Variants in PALD1 observed in about 807,000 individuals in gnomAD.
PALD1 encodes the protein phosphatase domain containing paladin 1, also known as paladin.
PALD1 carries 57 observed loss-of-function variants against 96.0 expected under a neutral mutation model. That is an observed-to-expected ratio of 0.59 (90% confidence interval 0.48 to 0.74). The LOEUF is 0.74. PALD1 is among the 30% of genes least tolerant of loss of function. The pLI is 0.00. For missense variants in PALD1, 1,063 were observed against 1,143.7 expected (o/e 0.93, Z 1.02); for synonymous variants, 464 against 473.6 (o/e 0.98, Z 0.26).
chr10:70,529,952 T>C lies in PALD1; in HGVS notation c.352T>C (p.Cys118Arg). ...GGATGTGCTGGGCACCGTGGGAAGC[T>C]GTGGGGCCCCCAACTTCCGGCAGGT... is the stretch of plus-strand genomic sequence containing the variant. ...KMDVLGTVGSCGAPNFRQVQG... is the reference protein window; with the variant it reads ...KMDVLGTVGSRGAPNFRQVQG... Residue 118 changes from cysteine (C) to arginine (R), a missense_variant, in exon 4 of 20, where the codon TGT becomes CGT. Physicochemically the swap from Cys to Arg is radical, Grantham distance 180 (BLOSUM62 -3). Transcript: ENST00000263563. 3 of 1,613,752 alleles carry C rather than the reference T, an allele frequency of 1.9e-6. No homozygotes were observed. Among genetic ancestry groups the C allele is most frequent in the Non-Finnish European group, 2.5e-6 (3 of 1,179,836 alleles).
At chr10:70,474,430 G>A (rs776012895), upstream of PALD1, among the ~76,000 whole-genome samples, 5 of 151,988 alleles carry the variant, frequency 3.3e-5, no homozygotes, top group Admixed American at 1.3e-4. Flanking sequence ...GCGTGGTGGC[G>A]GGCGCCTGTA....
intron 1 of PALD1, among the ~76,000 whole-genome samples, chr10:70,495,193 G>A (rs1247300533): frequency 2.0e-5 from 3 of 152,202 alleles, no homozygotes; most frequent in South Asian, 2.1e-4. Flanking sequence ...GTCTTCATAC[G>A]TCGGCATAGG....
At chr10:70,478,629 G>T (rs997069853), upstream of PALD1, among the ~76,000 whole-genome samples, 1 of 152,152 alleles carries the variant, frequency 6.6e-6, no homozygotes, top group South Asian at 2.1e-4. Context: ...TGGCGCCCGC[G>T]TTCCTCCCGC....
chr10:70,473,019 A>T, the PALD1 span, among the ~76,000 whole-genome samples: 3 of 152,240 alleles, frequency 2.0e-5, no homozygotes, highest in Admixed American at 6.5e-5. Context: ...ACATTAAGTG[A>T]CTTGCCTGAG....
At chr10:70,488,309 C>T (rs529705927) in intron 1 of PALD1, among the ~76,000 whole-genome samples, 9 of 151,856 alleles carry the variant, frequency 5.9e-5, no homozygotes, top group South Asian at 4.2e-4. Context: ...TTAGTAGAGA[C>T]GGGGTTTTGC....
At chr10:70,547,248 C>T in intron 17 of PALD1, 58 bp from the exon 18 acceptor site, 1 of 1,553,230 alleles carries the variant, frequency 6.4e-7, no homozygotes, top group Non-Finnish European at 8.9e-7. Flanking sequence ...AAGCCTGGTG[C>T]TTGGGCTGAG....
Position 70,539,334 on chromosome 10 carries a change from G to A in PALD1, c.1725+87G>A, listed in dbSNP as rs943159158. On this transcript the variant is annotated intron_variant, in intron 14 of 19. Coordinates refer to ENST00000263563, the MANE Select transcript of PALD1 (RefSeq NM_014431.3). This position sits in a 1 kb window ranked among gnomAD's most constrained non-coding sequence, Gnocchi z 4.5. ...GGTCTTCAGAAGGCCTCACACTCCC[G>A]CAGACAGATGGAGAATCTGAGGCCC... 1.3e-5 allele frequency: 17 copies of A among 1,335,526 alleles called. No homozygotes were observed. Among genetic ancestry groups the A allele is most frequent in the South Asian group, 2.8e-5 (2 of 72,104 alleles). 82.7% of individuals were successfully genotyped at this position (1,335,526 alleles called of 1,614,324 possible). A position where few individuals can be genotyped will look rare whatever the true frequency, so the allele number is the denominator to read the frequency against.
chr10:70,562,356 C>G (rs1847757958), intron 18 of PALD1, among the ~76,000 whole-genome samples: 1 of 152,212 alleles, frequency 6.6e-6, no homozygotes, highest in African/African-American at 2.4e-5. Context: ...GAGGCAAAGA[C>G]AGCAAAGGCC....
At chr10:70,490,686 TGATGGTAGA>T (rs1361650916) in intron 1 of PALD1, among the ~76,000 whole-genome samples, 1 of 152,204 alleles carries the variant, frequency 6.6e-6, no homozygotes, top group Admixed American at 6.5e-5. Context: ...AGCCTTGGGT[TGATGGTAGA>T]GAGCTGTGCC....
chr10:70,486,647 G>A (rs1196122881), intron 1 of PALD1, among the ~76,000 whole-genome samples: 1 of 152,104 alleles, frequency 6.6e-6, no homozygotes, highest in Non-Finnish European at 1.5e-5. Flanking sequence ...TGTAGTCCCA[G>A]CTACTCAGGA....
chr10:70,551,391 A>G (rs781706480), intron 18 of PALD1, among the ~76,000 whole-genome samples: 1 of 152,218 alleles, frequency 6.6e-6, no homozygotes, highest in Non-Finnish European at 1.5e-5. Context: ...CAGCCTGGTC[A>G]GATCCCCCAC....
chr10:70,465,668 C>G, the PALD1 span, among the ~76,000 whole-genome samples: 1 of 152,174 alleles, frequency 6.6e-6, no homozygotes, highest in Non-Finnish European at 1.5e-5. Flanking sequence ...GCCTGACACC[C>G]TCCAAGACAT....
chr10:70,545,180 TG>T (rs2100067167), intron 17 of PALD1, among the ~76,000 whole-genome samples: 2 of 49,256 alleles, frequency 4.1e-5, no homozygotes, highest in African/African-American at 1.6e-4. Flanking sequence ...TGCAGGGTGG[TG>T]GGGGTAGGTG....
Position 70,532,538 on chromosome 10 carries a change from G to A in PALD1, c.634-83G>A, listed in dbSNP as rs1589200000. ...CTGCCTGTGGCCTCTGCATGGTCTG[G>A]TCACTCCAGAGCTCAGCCAGGACAC... On this transcript the variant is annotated intron_variant, in intron 5 of 19. Transcript: ENST00000263563. 5.6e-6 allele frequency: 8 copies of A among 1,429,492 alleles called. No individual in the cohort carries two copies. In the East Asian group the frequency reaches 1.4e-4, roughly 24 times the overall value. 88.6% of individuals were successfully genotyped at this position (1,429,492 alleles called of 1,614,324 possible). A position where few individuals can be genotyped will look rare whatever the true frequency, so the allele number is the denominator to read the frequency against.
chr10:70,531,659 C>G (rs1341078338), intron 5 of PALD1, among the ~76,000 whole-genome samples: 2 of 152,118 alleles, frequency 1.3e-5, no homozygotes, highest in African/African-American at 4.8e-5. Flanking sequence ...CTGCCCCTTT[C>G]CCACCCTGCT....
rs1189748118 is a variant in PALD1 at position 70,532,798 on chromosome 10, C to A, written c.794+17C>A. The A allele has an allele frequency of 1.2e-6, 2 of 1,612,496 alleles. No individual in the cohort carries two copies. Among genetic ancestry groups the A allele is most frequent in the African/African-American group, 2.7e-5 (2 of 74,926 alleles). On this transcript the variant is annotated intron_variant, in intron 6 of 19. Coordinates refer to ENST00000263563, the MANE Select transcript of PALD1 (RefSeq NM_014431.3). ...CACCTACAGGTACCACAGGGCCACC[C>A]CCAGCCCTGGCCATGGGTGCTCCAG... is the stretch of plus-strand genomic sequence containing the variant.
intron 1 of PALD1, among the ~76,000 whole-genome samples, chr10:70,480,569 C>T (rs781438538): frequency 6.6e-6 from 1 of 152,218 alleles, no homozygotes; most frequent in Non-Finnish European, 1.5e-5. Flanking sequence ...CTGTGAGGCT[C>T]TGCTGTATCT....
At chr10:70,518,217 A>G (rs948479380) in intron 1 of PALD1, among the ~76,000 whole-genome samples, 1 of 152,200 alleles carries the variant, frequency 6.6e-6, no homozygotes, top group Non-Finnish European at 1.5e-5. Context: ...GTGGTATATT[A>G]TGGTGTGGAC....
In PALD1 at chr10:70,539,153, G is replaced by C; in HGVS notation, c.1631G>C (p.Trp544Ser). ...AAGAGGAGGCTGCGGAAGGTTGTCT[G>C]GGTGAGCCTTCGGGAGGAGGCCGTG... ...DAKRRLRKVV[W>S]VSLREEAVLE... Residue 544 changes from tryptophan to serine, a missense_variant, in exon 14 of 20, where the codon TGG (tryptophan) becomes TCG (serine). Transcript: ENST00000263563. The surrounding 1 kb of genome is among the most constrained non-coding windows in gnomAD (Gnocchi z 4.5). 1 of 1,613,702 alleles carries C rather than the reference G, an allele frequency of 6.2e-7. No homozygotes were observed.
Sources: gnomAD v4.1 joint callset for allele counts (sites outside exome capture counted in the v4.1 genomes callset) on GRCh38, gnomAD v4.1.1 for gene constraint, Gnocchi (gnomAD v3.1) non-coding constraint, MANE v1.5 for transcripts, NCBI Gene and HGNC (gene_info 2026-07-23, HGNC 2026-07-21) for gene names.